DNAH17: variants seen among roughly 807,000 people sequenced by gnomAD.
The protein encoded by DNAH17 is dynein axonemal heavy chain 17.
A neutral mutation model predicts 485.6 loss-of-function variants in DNAH17; 376 were observed. The observed-to-expected ratio is 0.77, with a 90% CI of 0.71 to 0.84. The LOEUF (loss-of-function observed/expected upper bound fraction) is 0.84. DNAH17 is among the 40% of genes least tolerant of loss of function. The pLI, the probability that DNAH17 is intolerant of heterozygous loss-of-function variation, is 0.00. For missense variants in DNAH17, 6,370 were observed against 5,839.3 expected (o/e 1.09, Z -2.96); for synonymous variants, 3,031 against 2,405.9 (o/e 1.26, Z -7.60).
rs1450849706 is a variant in DNAH17, at chr17:78,444,572, GGGCGGGGCCCCCGGCGC to G, written c.11528+15_11528+31del. The G allele has an allele frequency of 2.0e-6, 3 of 1,526,106 alleles. No individual in the cohort carries two copies. Among genetic ancestry groups the G allele is most frequent in the South Asian group, 1.2e-5 (1 of 81,770 alleles). 94.5% of individuals were successfully genotyped at this position (1,526,106 alleles called of 1,614,324 possible). On this transcript the variant is annotated intron_variant, in intron 71 of 80. Transcript: ENST00000389840. ...AGCTTCCATCAGGCCTGGGCCTCGG[GGGCGGGGCCCCCGGCGC>G]GGCGGGACACTCACTTGATAGCGTA...
At chr17:78,562,984 C>T (rs970939194) in intron 11 of DNAH17, among the ~76,000 whole-genome samples, 2 of 152,198 alleles carry the variant, frequency 1.3e-5, no homozygotes, top group South Asian at 2.1e-4. Context: ...AGACCAGCTG[C>T]GGTGAGCCTG....
rs774296608 is a variant in DNAH17 at position 78,495,060 on chromosome 17, A to G, written c.5941T>C (p.Cys1981Arg). The change falls in exon 39 of 81, where the codon TGT (cysteine) becomes CGT (arginine). Residue 1981 changes from cysteine (C) to arginine (R), a missense_variant. Coordinates refer to ENST00000389840, the MANE Select transcript of DNAH17 (RefSeq NM_173628.4). The part of the protein sequence containing the change: ...AMVVPDFELI[C>R]EIMLMAEGFL... ...CCCTCGGCCATGAGCATGATCTCAC[A>G]TATCAGTTCGAAGTCGGGGACGACC... The G allele has an allele frequency of 4.3e-6, 7 of 1,611,254 alleles. No homozygotes were observed. In the Admixed American group the frequency reaches 5.0e-5, roughly 12 times the overall value.
At chr17:78,500,261 T>C (rs765743579) in intron 36 of DNAH17, 44 bp downstream of exon 36, 58 of 1,565,458 alleles carry the variant, frequency 3.7e-5, no homozygotes, top group Middle Eastern at 1.7e-4. Context: ...TCTGCTTCTA[T>C]AAAAGAAGAC....
chr17:78,524,282 T>G (rs988293580), intron 25 of DNAH17, among the ~76,000 whole-genome samples: 4 of 152,098 alleles, frequency 2.6e-5, no homozygotes, highest in African/African-American at 9.7e-5. Context: ...GGATTACAGG[T>G]GCACACCACC....
At chr17:78,492,160 T>G (rs895900696) in intron 42 of DNAH17, among the ~76,000 whole-genome samples, 4 of 152,072 alleles carry the variant, frequency 2.6e-5, no homozygotes, top group Non-Finnish European at 5.9e-5. Context: ...CGCTGACTCC[T>G]CCTCAGCTCT....
At chr17:78,472,270 G>A (rs1053847847) in intron 54 of DNAH17, among the ~76,000 whole-genome samples, 5 of 149,484 alleles carry the variant, frequency 3.3e-5, no homozygotes, top group African/African-American at 1.3e-4. Context: ...GGGTTAGGGA[G>A]TAGGGGTGCG....
chr17:78,537,564 ACCAT>A, intron 18 of DNAH17, 83 bp from the exon 19 acceptor site: 1 of 1,439,844 alleles, frequency 6.9e-7, no homozygotes, highest in Middle Eastern at 2.2e-4. Context: ...TCCACTCCGT[ACCAT>A]CAATGTGTCA....
rs769419079 is a variant in DNAH17 at position 78,450,658 on chromosome 17, G to T, written c.10899+24C>A. The stretch of plus-strand genomic sequence containing the variant: ...AGCCTCCCAAGCCCTGGCTGCCAGG[G>T]CACGTCACCGAGGCAGCTCTGACCT... On this transcript the variant is annotated intron_variant, in intron 67 of 80. Coordinates refer to ENST00000389840, the MANE Select transcript of DNAH17 (RefSeq NM_173628.4). 8 of 1,601,084 alleles carry T rather than the reference G, an allele frequency of 5.0e-6. No homozygotes were observed. In the South Asian group the frequency reaches 7.8e-5, roughly 16 times the overall value.
At chr17:78,494,216 TTTTC>T (rs753243695) in intron 40 of DNAH17, 43 bp from the exon 41 acceptor site, 2 of 1,580,970 alleles carry the variant, frequency 1.3e-6, no homozygotes, top group East Asian at 2.3e-5. Context: ...CTGAAGCAGC[TTTTC>T]TTTCTTCTCG....
intron 37 of DNAH17, among the ~76,000 whole-genome samples, chr17:78,498,246 C>T (rs2090144557): frequency 6.6e-6 from 1 of 152,200 alleles, no homozygotes; most frequent in Non-Finnish European, 1.5e-5. Flanking sequence ...GAGGCATTTG[C>T]ACGTCCACAC....
rs1450686546 is a variant in DNAH17, at chr17:78,572,787, C to T, written c.453G>A (p.Val151=). Residue 151 remains valine, a synonymous_variant, in exon 3 of 81, where the codon GTG becomes GTA. Coordinates refer to ENST00000389840, the MANE Select transcript of DNAH17 (RefSeq NM_173628.4). ...TTTTGCCTTTGATCTTGCCACTCATCACAAACATTTCATTCTTCAGCCTGT... is the reference window on the plus strand; with the variant it reads ...TTTTGCCTTTGATCTTGCCACTCATTACAAACATTTCATTCTTCAGCCTGT... The part of the protein sequence containing the change: ...QVHRLKNEMF[V]MSGKIKGKTL... The T allele has an allele frequency of 4.2e-5, 68 of 1,613,752 alleles. No homozygotes were observed. Among genetic ancestry groups the T allele is most frequent in the Non-Finnish European group, 5.5e-5 (65 of 1,179,846 alleles).
chr17:78,572,430 A>C (rs2092372176), intron 3 of DNAH17, among the ~76,000 whole-genome samples: 1 of 152,022 alleles, frequency 6.6e-6, no homozygotes, highest in Non-Finnish European at 1.5e-5. Flanking sequence ...CTGGATCGGC[A>C]CACATGTGTG....
chr17:78,454,287 G>A (rs543570499), intron 64 of DNAH17, among the ~76,000 whole-genome samples, 183 bp downstream of exon 64: 130 of 152,284 alleles, frequency 8.5e-4, no homozygotes, highest in Non-Finnish European at 1.6e-3. Context: ...TGGGGACAGG[G>A]GAAGGGAAAA....
chr17:78,437,784 C>T lies in DNAH17; in HGVS notation c.11890G>A (p.Val3964Met), dbSNP rs746031008. 8.1e-6 allele frequency: 13 copies of T among 1,612,492 alleles called. No individual in the cohort carries two copies. The highest frequency in any genetic ancestry group is 1.3e-5 in the African/African-American group (1 of 74,920). Residue 3964 changes from valine (V) to methionine (M), a missense_variant, in exon 74 of 81, where the codon GTG becomes ATG. Transcript: ENST00000389840. ...GGGGCAGGCTCCGCGCTGATGAACA[C>T]CCGGTAGTCCTCATGGCTGCCCGTG... ...YSTGSHEDYR[V>M]FISAEPAPSP... is the part of the protein sequence containing the mutation.
intron 16 of DNAH17, among the ~76,000 whole-genome samples, chr17:78,549,183 G>A (rs906428387): frequency 6.6e-6 from 1 of 152,324 alleles, no homozygotes; most frequent in South Asian, 2.1e-4. Flanking sequence ...AGGGACCTTG[G>A]CAAGTGCTTG....
Position 78,539,845 on chromosome 17 carries a change from G to A in DNAH17, c.2568C>T (p.Ser856=). 6.2e-7 allele frequency: 1 copy of A among 1,609,774 alleles called. No individual in the cohort carries two copies. Among genetic ancestry groups the A allele is most frequent in the Non-Finnish European group, 8.5e-7 (1 of 1,178,794 alleles). ...NAELFRADTL[S]LPWKDYVIYI... ...AGATGACATAATCCTTCCAGGGCAG[G>A]CTCAGTGTGTCTGCCCTGAATAGTT... The change falls in exon 18 of 81, where the codon AGC becomes AGT. Residue 856 remains serine, a synonymous_variant. Transcript: ENST00000389840.
At chr17:78,496,588 T>C (rs1433878264) in intron 37 of DNAH17, 1 of 151,722 alleles carries the variant, frequency 6.6e-6, no homozygotes, top group East Asian at 1.9e-4. Context: ...GGCAACCATG[T>C]CCTTTTTTTC....
chr17:78,568,007 G>A (rs534777427), intron 9 of DNAH17, among the ~76,000 whole-genome samples: 7 of 152,242 alleles, frequency 4.6e-5, no homozygotes, highest in Admixed American at 1.3e-4. Flanking sequence ...CCAGGTCCAC[G>A]AAGCATCAGG....
chr17:78,564,340 C>T (rs1194714377), intron 11 of DNAH17, among the ~76,000 whole-genome samples: 1 of 151,844 alleles, frequency 6.6e-6, no homozygotes, highest in East Asian at 1.9e-4. Flanking sequence ...ACTCATCTGG[C>T]CCTGGCCGGG....
Sources: gnomAD v4.1 joint callset for allele counts (sites outside exome capture counted in the v4.1 genomes callset) on GRCh38, gnomAD v4.1.1 for gene constraint, MANE v1.5 for transcripts, NCBI Gene and HGNC (gene_info 2026-07-23, HGNC 2026-07-21) for gene names.